The following JMJD1C variants were observed in gnomAD, a reference collection of about 807,000 sequenced individuals.
The protein encoded by JMJD1C is jumonji domain-containing protein 1C.
A neutral mutation model predicts 245.3 loss-of-function variants in JMJD1C; 31 were observed. That is an observed-to-expected ratio of 0.13 (90% CI 0.09 to 0.17). The LOEUF (loss-of-function observed/expected upper bound fraction) is 0.17, where lower values mean the gene tolerates loss of function less well. Among genes scored for constraint, JMJD1C ranks in the 10% least tolerant of loss-of-function variants. The pLI is 1.00. For synonymous variants in JMJD1C, 1,057 were observed against 1,017.4 expected (o/e 1.04, Z -0.74); for missense variants, 2,691 against 3,000.2 (o/e 0.90, Z 2.41).
At chr10:63,303,540 A>G (rs902184519) in intron 2 of JMJD1C, among the ~76,000 whole-genome samples, 1 of 152,198 alleles carries the variant, frequency 6.6e-6, no homozygotes, top group Admixed American at 6.6e-5. Context: ...TCCTAACCTC[A>G]GGTGATCTGC....
At chr10:63,364,338 C>G (rs10822163) in intron 2 of JMJD1C, among the ~76,000 whole-genome samples, 64,685 of 152,076 alleles carry the variant, frequency 0.43, 14,394 homozygotes, top group South Asian at 0.53. Context: ...GGCGTGAAGC[C>G]TGGCCCAGTT....
chr10:63,461,891 G>A (rs1230159555), intron 1 of JMJD1C, among the ~76,000 whole-genome samples: 2 of 152,106 alleles, frequency 1.3e-5, no homozygotes, highest in Non-Finnish European at 2.9e-5. Context: ...TAAACAAGAG[G>A]AGAGTAAATT....
chr10:63,319,652 C>A (rs1023142122), intron 2 of JMJD1C, among the ~76,000 whole-genome samples: 1 of 152,110 alleles, frequency 6.6e-6, no homozygotes, highest in Non-Finnish European at 1.5e-5. Flanking sequence ...GTCAATTTTT[C>A]TTTTATATTT....
intron 2 of JMJD1C, among the ~76,000 whole-genome samples, chr10:63,290,910 A>C (rs1858597774): frequency 6.6e-6 from 1 of 152,220 alleles, no homozygotes; most frequent in Admixed American, 6.5e-5. Context: ...ATATTGAGAA[A>C]AAATATTAAG....
At chr10:63,295,920 T>C (rs1470201162) in intron 2 of JMJD1C, among the ~76,000 whole-genome samples, 1 of 145,740 alleles carries the variant, frequency 6.9e-6, no homozygotes, top group African/African-American at 2.5e-5. Context: ...TGTATGTATA[T>C]ACATGTACAT....
At chr10:63,178,644 T>G (rs10761721) in intron 22 of JMJD1C, among the ~76,000 whole-genome samples, 101,572 of 152,136 alleles carry the variant, frequency 0.67, 36,416 homozygotes, top group Non-Finnish European at 0.81. Context: ...AATTTCGAGG[T>G]GCTCTCATAT....
Position 63,190,948 on chromosome 10 carries a change from C to A in JMJD1C, c.6237G>T (p.Val2079=). The A allele has an allele frequency of 1.9e-6, 3 of 1,614,096 alleles. No individual in the cohort carries two copies. Among genetic ancestry groups the A allele is most frequent in the Middle Eastern group, 1.6e-4 (1 of 6,062 alleles). ...AGGCAATGCCAGCATCTGTAGACCC[C>A]ACACGTAGCTTTCCAGCTGTTGTAG... ...LLTTTAGKLR[V]GSTDAGIAFA... The change falls in exon 17 of 26, where the codon GTG becomes GTT. Residue 2079 remains valine (V), a synonymous_variant. Transcript: ENST00000399262.
intron 25 of JMJD1C, 101 bp downstream of exon 25, chr10:63,168,331 CTAA>C: frequency 1.6e-6 from 2 of 1,219,610 alleles, no homozygotes; most frequent in Non-Finnish European, 2.3e-6. Context: ...GGTTGTCACC[CTAA>C]TGTGACCAAC....
At chr10:63,220,726 T>A (rs1365751171) in intron 3 of JMJD1C, among the ~76,000 whole-genome samples, 1 of 152,208 alleles carries the variant, frequency 6.6e-6, no homozygotes, top group African/African-American at 2.4e-5. Context: ...GTACCTCTGC[T>A]GCTCCTGCAT....
intron 22 of JMJD1C, among the ~76,000 whole-genome samples, chr10:63,180,148 C>CA (rs1403707946): frequency 1.3e-5 from 2 of 152,150 alleles, no homozygotes; most frequent in Non-Finnish European, 2.9e-5. Flanking sequence ...GCTGGGACTA[C>CA]AGGCACCCGC....
At chr10:63,477,312 C>T (rs1193447785) in intron 1 of JMJD1C, among the ~76,000 whole-genome samples, 1 of 151,966 alleles carries the variant, frequency 6.6e-6, no homozygotes, top group Non-Finnish European at 1.5e-5. Flanking sequence ...AATTGGAAGA[C>T]TCTTTATATA....
At chr10:63,289,485 G>A (rs1439992851) in intron 2 of JMJD1C, among the ~76,000 whole-genome samples, 1 of 152,100 alleles carries the variant, frequency 6.6e-6, no homozygotes, top group Admixed American at 6.5e-5. Flanking sequence ...AACACCTTTG[G>A]GAGTATTTGT....
rs11362211 is a variant in JMJD1C, at chr10:63,262,822, A to AC, written c.447+1828dup. On this transcript the variant is annotated intron_variant, in intron 3 of 25. Coordinates refer to ENST00000399262, the MANE Select transcript of JMJD1C (RefSeq NM_032776.3). ...AAACTGTTTTAAAAAAAGTTAGGGT[A>AC]CCCCCCCCACTCTCCCCCAGCATAT... 1.1e-4 allele frequency among the ~76,000 whole-genome samples: 16 copies of AC among 151,694 alleles called. 1 individual carries two copies. The South Asian group carries it at 1.9e-3, about 18-fold the overall frequency.
At chr10:63,412,454 G>GTAT (rs1949544140) in intron 1 of JMJD1C, among the ~76,000 whole-genome samples, 1 of 152,116 alleles carries the variant, frequency 6.6e-6, no homozygotes, top group African/African-American at 2.4e-5. Flanking sequence ...TTGCAATATG[G>GTAT]TATTTAGTGG....
intron 1 of JMJD1C, among the ~76,000 whole-genome samples, chr10:63,493,536 C>G: frequency 6.6e-6 from 1 of 152,222 alleles, no homozygotes; most frequent in East Asian, 1.9e-4. Context: ...CCTGACTTGG[C>G]CTCCCAAAGT....
At chr10:63,479,162 CTT>C (rs147481865) in intron 1 of JMJD1C, among the ~76,000 whole-genome samples, 17 of 151,638 alleles carry the variant, frequency 1.1e-4, no homozygotes, top group African/African-American at 3.9e-4. Context: ...ATTTTTTCAG[CTT>C]TTTGTTTCAA....
intron 2 of JMJD1C, among the ~76,000 whole-genome samples, chr10:63,332,278 T>C (rs536309855): frequency 6.6e-5 from 10 of 152,206 alleles, no homozygotes; most frequent in African/African-American, 9.6e-5. Context: ...AGCCACCATA[T>C]GTGTCACTAA....
At chr10:63,454,125 T>C (rs917120065) in intron 1 of JMJD1C, among the ~76,000 whole-genome samples, 5 of 152,022 alleles carry the variant, frequency 3.3e-5, no homozygotes, top group African/African-American at 7.3e-5. Context: ...CTGTATCCAA[T>C]TGAATAGCCA....
chr10:63,211,372 A>G (rs1462505433), intron 8 of JMJD1C, among the ~76,000 whole-genome samples: 1 of 151,902 alleles, frequency 6.6e-6, no homozygotes, highest in Admixed American at 6.6e-5. Flanking sequence ...AGGCTGAGGC[A>G]GGACAATCAC....
Sources: gnomAD v4.1 joint callset for allele counts (sites outside exome capture counted in the v4.1 genomes callset) on GRCh38, gnomAD v4.1.1 for gene constraint, MANE v1.5 for transcripts, NCBI Gene and HGNC (gene_info 2026-07-23, HGNC 2026-07-21) for gene names.